The following GALM variants were observed in gnomAD, a reference collection of about 807,000 sequenced individuals.
The protein encoded by GALM is galactose mutarotase.
In GALM, 43 loss-of-function variants were observed where a neutral mutation model predicts 37.4. The observed-to-expected ratio is 1.15, with a 90% CI of 0.90 to 1.48. The LOEUF is 1.48. Among genes scored for constraint, GALM ranks in the 40% most tolerant of loss-of-function variants. The probability of loss-of-function intolerance (pLI) is 0.00; values close to 1 mark genes in which losing one functional copy is unlikely to be tolerated. For synonymous variants in GALM, 199 were observed against 170.6 expected, an observed-to-expected ratio of 1.17 and a Z score of -1.30; for missense variants, 456 against 419.1, an observed-to-expected ratio of 1.09 and a Z score of -0.77.
chr2:38,689,746 TAAGTTAAA>T, intron 3 of GALM, 59 bp from the exon 4 acceptor site: 1 of 934,556 alleles, frequency 1.1e-6, no homozygotes, highest in Non-Finnish European at 1.7e-6. Context: ...TTTTGCAAGA[TAAGTTAAA>T]AAACAAATAT....
intron 4 of GALM, among the ~76,000 whole-genome samples, chr2:38,690,533 C>T (rs1665649133): frequency 6.6e-6 from 1 of 151,998 alleles, no homozygotes; most frequent in African/African-American, 2.4e-5. Flanking sequence ...ACCTCCTCCC[C>T]AGGCTCAGAT....
At chr2:38,725,313 T>C (rs1266843061) in intron 4 of GALM, among the ~76,000 whole-genome samples, 1 of 152,080 alleles carries the variant, frequency 6.6e-6, no homozygotes, top group African/African-American at 2.4e-5. Flanking sequence ...GGCAGGAGGA[T>C]TGCTTGAGCC....
chr2:38,674,837 C>T (rs1445262902), intron 1 of GALM, among the ~76,000 whole-genome samples: 2 of 152,130 alleles, frequency 1.3e-5, no homozygotes, highest in Admixed American at 6.6e-5. Context: ...TCAGAGTCAA[C>T]TTTGGATTGA....
intron 4 of GALM, among the ~76,000 whole-genome samples, chr2:38,723,459 C>T (rs575030682): frequency 4.6e-5 from 7 of 152,252 alleles, no homozygotes; most frequent in South Asian, 4.1e-4. Flanking sequence ...TGCCAATGAG[C>T]GTTCTTTCAG....
In GALM at chr2:38,689,115, C is replaced by T. The variant is rs150567369; in HGVS notation, c.553-698C>T. Among the ~76,000 whole-genome samples, 1,195 of 152,304 alleles carry T rather than the reference C, an allele frequency of 7.8e-3. 15 individuals are homozygous for T. The highest frequency in any genetic ancestry group is 0.027 in the African/African-American group (1,120 of 41,552). Reference sequence around the variant, plus strand: ...GATTACAGGCATGAGCCACCGCGCCCGGCCTCATTAGCCCAATTTTAAACC... The same window carrying T: ...GATTACAGGCATGAGCCACCGCGCCTGGCCTCATTAGCCCAATTTTAAACC... On this transcript the variant is annotated intron_variant, in intron 3 of 6. Coordinates refer to ENST00000272252, the MANE Select transcript of GALM (RefSeq NM_138801.3).
At chr2:38,687,911 T>G (rs1208912434) in intron 3 of GALM, among the ~76,000 whole-genome samples, 1 of 151,970 alleles carries the variant, frequency 6.6e-6, no homozygotes, top group Non-Finnish European at 1.5e-5. Flanking sequence ...GTCCTAACCC[T>G]GTCTCAAAAA....
intron 4 of GALM, chr2:38,698,298 G>A: frequency 1.4e-6 from 1 of 723,726 alleles, no homozygotes; most frequent in Non-Finnish European, 2.1e-6. Flanking sequence ...CCGGCACTTA[G>A]GAGTCAGCAG....
In GALM at chr2:38,712,902, C is replaced by T. The variant is rs144024230; in HGVS notation, c.635-16654C>T. On this transcript the variant is annotated intron_variant, in intron 4 of 6. Transcript: ENST00000272252. The stretch of plus-strand genomic sequence containing the variant: ...CATAAAACCATTTTGTGCCACTGCT[C>T]CTGGGCCAAGTGACCAGAAAGGCTG... 3.7e-3 allele frequency among the ~76,000 whole-genome samples: 569 copies of T among 152,308 alleles called. 4 individuals are homozygous for T. The highest frequency in any genetic ancestry group is 0.013 in the African/African-American group (527 of 41,562).
chr2:38,690,143 A>G (rs571776041), intron 4 of GALM, among the ~76,000 whole-genome samples: 19 of 152,160 alleles, frequency 1.2e-4, no homozygotes, highest in Non-Finnish European at 2.5e-4. Flanking sequence ...TTATTTCAAA[A>G]TTTCAAAAAT....
At chr2:38,685,625 T>G (rs1665499082) in intron 3 of GALM, among the ~76,000 whole-genome samples, 1 of 152,228 alleles carries the variant, frequency 6.6e-6, no homozygotes, top group African/African-American at 2.4e-5. Flanking sequence ...TGAAAGGAAA[T>G]GATTCCAACA....
intron 4 of GALM, among the ~76,000 whole-genome samples, chr2:38,712,039 G>C (rs1209615043): frequency 6.6e-6 from 1 of 152,156 alleles, no homozygotes; most frequent in African/African-American, 2.4e-5. Context: ...AGCTAAATCT[G>C]AGCAGTGTCC....
intron 2 of GALM, chr2:38,680,143 C>T (rs942043562): frequency 2.5e-5 from 11 of 436,794 alleles, no homozygotes; most frequent in African/African-American, 4.1e-5. Flanking sequence ...CTCAGCCTCC[C>T]GAGTAGCTAG....
At chr2:38,705,407 T>C (rs1242230047) in intron 4 of GALM, among the ~76,000 whole-genome samples, 1 of 152,202 alleles carries the variant, frequency 6.6e-6, no homozygotes, top group African/African-American at 2.4e-5. Flanking sequence ...TGGAACACTG[T>C]CTCTGCCCTT....
chr2:38,722,886 A>G (rs1666412524), intron 4 of GALM, among the ~76,000 whole-genome samples: 1 of 152,184 alleles, frequency 6.6e-6, no homozygotes, highest in African/African-American at 2.4e-5. Flanking sequence ...TTCTGACACT[A>G]TGCAGATGTG....
chr2:38,670,135 A>G (rs1023526810), intron 1 of GALM, among the ~76,000 whole-genome samples: 1 of 152,080 alleles, frequency 6.6e-6, no homozygotes, highest in African/African-American at 2.4e-5. Flanking sequence ...AAGTGCTGGG[A>G]TTACAGGTGT....
intron 4 of GALM, among the ~76,000 whole-genome samples, chr2:38,703,905 C>T (rs1270750166): frequency 1.3e-5 from 2 of 152,006 alleles, no homozygotes; most frequent in African/African-American, 2.4e-5. Flanking sequence ...GTCCCGGCTA[C>T]TCAGGAGGCT....
intron 1 of GALM, among the ~76,000 whole-genome samples, chr2:38,675,531 TTTTTTTTTTTTTTG>T (rs2148426319): frequency 1.3e-5 from 1 of 75,158 alleles, no homozygotes; most frequent in African/African-American, 8.8e-5. Flanking sequence ...TTTTTGTTTT[TTTTTTTTTTTTTTG>T]TGTGTGTGTG....
At chr2:38,710,262 T>C (rs1408917224) in intron 4 of GALM, among the ~76,000 whole-genome samples, 1 of 152,156 alleles carries the variant, frequency 6.6e-6, no homozygotes, top group African/African-American at 2.4e-5. Flanking sequence ...TGGTCCTAGG[T>C]CCACACTTGG....
Sources: gnomAD v4.1 joint callset for allele counts (sites outside exome capture counted in the v4.1 genomes callset) on GRCh38, gnomAD v4.1.1 for gene constraint, MANE v1.5 for transcripts, NCBI Gene and HGNC (gene_info 2026-07-23, HGNC 2026-07-21) for gene names.